The following PUS7 variants were observed in gnomAD, a reference collection of about 807,000 sequenced individuals.
PUS7 encodes the protein pseudouridylate synthase 7 homolog.
In PUS7, 48 loss-of-function variants were observed where a neutral mutation model predicts 79.8. The ratio of observed to expected loss-of-function variants is 0.60; its 90% confidence interval spans 0.48 to 0.76. PUS7 has a LOEUF of 0.76. PUS7 is among the 30% of genes least tolerant of loss of function. The pLI is 0.00. For missense variants in PUS7, 729 were observed against 797.6 expected (o/e 0.91, Z 1.04); for synonymous variants, 286 against 272.2 (o/e 1.05, Z -0.50).
intron 6 of PUS7, among the ~76,000 whole-genome samples, chr7:105,491,869 C>T (rs1441167475): frequency 1.3e-5 from 2 of 151,838 alleles, no homozygotes; most frequent in Non-Finnish European, 2.9e-5. Flanking sequence ...CCAGCCTAAC[C>T]AATATGGTGA....
At chr7:105,476,101 G>GT (rs200406595) in intron 9 of PUS7, among the ~76,000 whole-genome samples, 2,036 of 141,750 alleles carry the variant, frequency 0.014, 17 homozygotes, top group Middle Eastern at 0.021. Flanking sequence ...TCCAGCCTGG[G>GT]CGACAGAGCA....
At chr7:105,492,210 G>C (rs967003783) in intron 6 of PUS7, among the ~76,000 whole-genome samples, 2 of 152,228 alleles carry the variant, frequency 1.3e-5, no homozygotes, top group African/African-American at 4.8e-5. Context: ...GGAGGCTACA[G>C]TGCGCTATGA....
At chr7:105,517,166 C>CTTTTTTTTTTTTTTTTTTTTTT (rs1289590315) in intron 1 of PUS7, among the ~76,000 whole-genome samples, 99 of 146,652 alleles carry the variant, frequency 6.8e-4, no homozygotes, top group Non-Finnish European at 1.1e-3. Flanking sequence ...CTTCACATTT[C>CTTTTTTTTTTTTTTTTTTTTTT]TTTTTTTGGC....
chr7:105,515,712 C>T (rs1825865223), intron 1 of PUS7, among the ~76,000 whole-genome samples: 1 of 152,186 alleles, frequency 6.6e-6, no homozygotes, highest in Admixed American at 6.5e-5. Context: ...ACTGCAACCT[C>T]CAACTCCTGA....
At chr7:105,508,808 G>A (rs1351683538) in intron 1 of PUS7, among the ~76,000 whole-genome samples, 1 of 140,864 alleles carries the variant, frequency 7.1e-6, no homozygotes, top group African/African-American at 2.6e-5. Context: ...GGAGGCAGAG[G>A]TTGCAGTGAG....
chr7:105,468,599 C>T (rs1358986023), intron 11 of PUS7, 136 bp from the exon 12 acceptor site: 8 of 681,590 alleles, frequency 1.2e-5, no homozygotes, highest in Non-Finnish European at 1.8e-5. Context: ...CTCATTGTAG[C>T]CTCCACCTCC....
intron 12 of PUS7, 126 bp downstream of exon 12, chr7:105,468,211 G>T: frequency 7.7e-7 from 1 of 1,292,724 alleles, no homozygotes; most frequent in Non-Finnish European, 1.1e-6. Context: ...AGGATTATGG[G>T]CGTGTACCAC....
intron 12 of PUS7, 100 bp downstream of exon 12, chr7:105,468,235 ATC>A (rs953579371): frequency 2.7e-6 from 4 of 1,470,746 alleles, no homozygotes; most frequent in East Asian, 4.6e-5. Context: ...GCCTCACCAC[ATC>A]TCTCTTTCTT....
intron 6 of PUS7, among the ~76,000 whole-genome samples, 172 bp from the exon 7 acceptor site, chr7:105,491,789 G>A (rs545805076): frequency 1.3e-5 from 2 of 152,276 alleles, no homozygotes; most frequent in East Asian, 3.9e-4. Context: ...GGGCGCAGTG[G>A]CTCATGGTCT....
intron 13 of PUS7, among the ~76,000 whole-genome samples, chr7:105,464,745 G>C (rs888775423): frequency 2.0e-5 from 3 of 151,662 alleles, no homozygotes; most frequent in Non-Finnish European, 4.4e-5. Flanking sequence ...ATTTGCAGAT[G>C]GCCTGTCGTG....
Position 105,495,178 on chromosome 7 carries a change from G to T in PUS7, c.806C>A (p.Thr269Asn). Reference sequence around the variant, plus strand: ...GGAGAGTACATTAATAGCATCCATGGTGTCTTTGTTTTCCTTATATAGTAC... The same window carrying T: ...GGAGAGTACATTAATAGCATCCATGTTGTCTTTGTTTTCCTTATATAGTAC... ...HFVLYKENKD[T>N]MDAINVLSKY... The change falls in exon 6 of 16, where the codon ACC becomes AAC. Residue 269 changes from threonine (T) to asparagine (N), a missense_variant. Physicochemically the swap from Thr to Asn is moderately conservative, Grantham distance 65. Transcript: ENST00000469408. 2 of 1,611,802 alleles carry T rather than the reference G, an allele frequency of 1.2e-6. No individual in the cohort carries two copies. Among genetic ancestry groups the T allele is most frequent in the Non-Finnish European group, 1.7e-6 (2 of 1,178,564 alleles).
intron 9 of PUS7, among the ~76,000 whole-genome samples, chr7:105,474,264 A>C (rs1348641376): frequency 6.6e-6 from 1 of 152,214 alleles, no homozygotes; most frequent in Non-Finnish European, 1.5e-5. Flanking sequence ...TTTTCAATCC[A>C]ATAATGTAAT....
chr7:105,508,889 A>AAAAAAAAAAAAAAG, intron 1 of PUS7, among the ~76,000 whole-genome samples: 1 of 136,810 alleles, frequency 7.3e-6, no homozygotes, highest in Admixed American at 7.7e-5. Context: ...AAAAAAAAAA[A>AAAAAAAAAAAAAAG]AAAAAAAAAG....
rs374412537 is a variant in PUS7, at chr7:105,510,576, C to T, written c.-32-2032G>A. Among the ~76,000 whole-genome samples, 17 of 152,168 alleles carry T rather than the reference C, an allele frequency of 1.1e-4. No homozygotes were observed. The South Asian group carries it at 1.7e-3, about 15-fold the overall frequency. On this transcript the variant is annotated intron_variant, in intron 1 of 15. Transcript: ENST00000469408. ...TTGCCCAGGCTTGAGAGCAGTGGCA[C>T]GATCTAGGCTCACTGCAACCTCCAC...
intron 15 of PUS7, 65 bp downstream of exon 15, chr7:105,459,103 A>C: frequency 3.7e-6 from 4 of 1,092,294 alleles, no homozygotes; most frequent in Non-Finnish European, 5.3e-6. Context: ...TTCAAAAAAA[A>C]ATTATGTTTT....
chr7:105,520,488 A>T (rs867955563), intron 1 of PUS7, among the ~76,000 whole-genome samples: 32 of 126,520 alleles, frequency 2.5e-4, no homozygotes, highest in African/African-American at 7.9e-4. Context: ...TGCCTCTGCA[A>T]TACATGTGGG....
chr7:105,522,061 G>C lies in PUS7; in HGVS notation c.-42C>G, dbSNP rs1422340243. On this transcript the variant is annotated 5_prime_UTR_variant, in exon 1 of 16. Transcript: ENST00000469408. The stretch of plus-strand genomic sequence containing the variant: ...GAGGCCGCGCACTTACCCGGAGCCT[G>C]GGAGCGCGGGCGCGGCGTGAGCTGG... 6.5e-6 allele frequency: 1 copy of C among 152,870 alleles called. No homozygotes were observed. Among genetic ancestry groups the C allele is most frequent in the Non-Finnish European group, 1.5e-5 (1 of 68,714 alleles). The allele number at this position is 152,870 out of a possible 1,614,324, so 9.5% of individuals were successfully genotyped here. A position where few individuals can be genotyped will look rare whatever the true frequency, so the allele number is the denominator to read the frequency against.
rs1192183515 is a variant in PUS7 at position 105,491,169 on chromosome 7, T to C, written c.920+371A>G. ...ACTGCAGGAGAAGTTCTGATTTACA[T>C]GTCCGTCTATTCCACTAATTATAAT... On this transcript the variant is annotated intron_variant, in intron 7 of 15. Transcript: ENST00000469408. 7.6e-4 allele frequency among the ~76,000 whole-genome samples: 116 copies of C among 152,310 alleles called. 1 individual carries two copies. Among genetic ancestry groups the C allele is most frequent in the East Asian group, 1.2e-3 (6 of 5,194 alleles).
intron 1 of PUS7, 73 bp from the exon 2 acceptor site, chr7:105,508,617 C>T (rs1825570023): frequency 6.6e-7 from 1 of 1,507,648 alleles, no homozygotes; most frequent in African/African-American, 1.4e-5. Context: ...GTGGCTCACA[C>T]CTGTAATCCC....
Sources: allele counts gnomAD v4.1 joint callset (sites outside exome capture counted in the v4.1 genomes callset), GRCh38; gene constraint gnomAD v4.1.1; transcripts MANE v1.5; gene names NCBI Gene and HGNC (gene_info 2026-07-23, HGNC 2026-07-21).